The following BTBD9 variants were observed in gnomAD, a reference collection of about 807,000 sequenced individuals.
BTBD9 encodes BTB/POZ domain-containing protein 9.
Under a neutral mutation model 64.3 loss-of-function variants are expected in BTBD9, and 49 were observed. That is an observed-to-expected ratio of 0.76 (90% CI 0.61 to 0.97). BTBD9 has a LOEUF of 0.97. BTBD9 is among the 50% of genes least tolerant of loss of function. The pLI, the probability that BTBD9 is intolerant of heterozygous loss-of-function variation, is 0.00. For missense variants in BTBD9, 598 were observed against 762.1 expected, an observed-to-expected ratio of 0.78 and a Z score of 2.53; for synonymous variants, 260 against 274.7, an observed-to-expected ratio of 0.95 and a Z score of 0.53.
chr6:38,594,111 G>A lies in BTBD9; in HGVS notation c.402C>T (p.Cys134=). 5.0e-6 allele frequency: 8 copies of A among 1,614,176 alleles called. No individual in the cohort carries two copies. Among genetic ancestry groups the A allele is most frequent in the Non-Finnish European group, 6.8e-6 (8 of 1,180,026 alleles). ...ELEDSTSEYL[C]TILNIQNVCM... ...AGACATTCTGAATGTTAAGTATGGT[G>A]CAGAGATACTCAGAGGTAGAATCCT... is the stretch of plus-strand genomic sequence containing the variant. Residue 134 remains cysteine (C), a synonymous_variant, in exon 3 of 11, where the codon TGC becomes TGT. Coordinates refer to ENST00000481247, the MANE Select transcript of BTBD9 (RefSeq NM_001099272.2).
At chr6:38,302,485 G>GTATATATA (rs59324806) in intron 7 of BTBD9, among the ~76,000 whole-genome samples, 2,364 of 106,278 alleles carry the variant, frequency 0.022, 95 homozygotes, top group Middle Eastern at 0.027. Flanking sequence ...TTGTGTGTAT[G>GTATATATA]TATATATATA....
At chr6:38,413,174 CT>C (rs1483035392) in intron 6 of BTBD9, among the ~76,000 whole-genome samples, 1 of 152,084 alleles carries the variant, frequency 6.6e-6, no homozygotes, top group African/African-American at 2.4e-5. Flanking sequence ...TAACATCCCT[CT>C]TTTAAAAAGT....
chr6:38,255,961 C>G lies in BTBD9; in HGVS notation c.1562+448G>C, dbSNP rs553152083. ...AGAGGGATAGCATTAAGAGAAATAC[C>G]TAATGTAAATGATGAGCTGATGGGT... is the stretch of plus-strand genomic sequence containing the variant. On this transcript the variant is annotated intron_variant, in intron 9 of 10. Coordinates refer to ENST00000481247, the MANE Select transcript of BTBD9 (RefSeq NM_001099272.2). Among the ~76,000 whole-genome samples, 30 of 151,976 alleles carry G rather than the reference C, an allele frequency of 2.0e-4. 1 individual carries two copies. The highest frequency in any genetic ancestry group is 1.8e-3 in the Admixed American group (27 of 15,240).
At chr6:38,439,541 C>A (rs535375502) in intron 6 of BTBD9, among the ~76,000 whole-genome samples, 1 of 152,244 alleles carries the variant, frequency 6.6e-6, no homozygotes, top group South Asian at 2.1e-4. Context: ...ATTCTCCTGC[C>A]TCAGCCTCCC....
chr6:38,248,336 G>C (rs1764279578), intron 9 of BTBD9, among the ~76,000 whole-genome samples: 1 of 152,206 alleles, frequency 6.6e-6, no homozygotes, highest in Admixed American at 6.5e-5. Context: ...TAGGACTACA[G>C]AATTCTCAAG....
chr6:38,418,442 A>C (rs1224638715), intron 6 of BTBD9, among the ~76,000 whole-genome samples: 1 of 152,218 alleles, frequency 6.6e-6, no homozygotes, highest in African/African-American at 2.4e-5. Context: ...AAAAGGATGC[A>C]GAGAGAAGAG....
At chr6:38,245,979 A>G (rs1764181769) in intron 9 of BTBD9, among the ~76,000 whole-genome samples, 1 of 152,148 alleles carries the variant, frequency 6.6e-6, no homozygotes, top group Non-Finnish European at 1.5e-5. Context: ...TTAAGTAAGA[A>G]AGAAGGAAAT....
intron 6 of BTBD9, among the ~76,000 whole-genome samples, chr6:38,522,179 T>C (rs921659915): frequency 7.2e-5 from 11 of 152,182 alleles, no homozygotes; most frequent in African/African-American, 2.7e-4. Flanking sequence ...CCCTAATCTT[T>C]CAAATGCTTA....
chr6:38,385,794 C>CTT (rs34019950), intron 6 of BTBD9, among the ~76,000 whole-genome samples: 6,100 of 129,370 alleles, frequency 0.047, 680 homozygotes, highest in African/African-American at 0.16. Context: ...TAATATCATA[C>CTT]TTTTTTTTTT....
chr6:38,276,978 T>C (rs541820051), intron 8 of BTBD9, among the ~76,000 whole-genome samples: 1 of 152,330 alleles, frequency 6.6e-6, no homozygotes, highest in Non-Finnish European at 1.5e-5. Flanking sequence ...ATCAAATACA[T>C]CTGGTTAACA....
rs1582125912 is a variant in BTBD9, at chr6:38,258,542, T to A, written c.1455-2026A>T. Among the ~76,000 whole-genome samples the A allele has an allele frequency of 2.6e-5, 4 of 152,318 alleles. No homozygotes were observed. In the East Asian group the frequency reaches 7.7e-4, roughly 29 times the overall value. On this transcript the variant is annotated intron_variant, in intron 8 of 10. Transcript: ENST00000481247. ...TTTTCTATACCATTCACATAATGTCTCACATGGAGCTTAAACTCAGTCAGT... is the reference window on the plus strand; with the variant it reads ...TTTTCTATACCATTCACATAATGTCACACATGGAGCTTAAACTCAGTCAGT...
At chr6:38,517,040 T>A (rs1369050536) in intron 6 of BTBD9, among the ~76,000 whole-genome samples, 1 of 152,172 alleles carries the variant, frequency 6.6e-6, no homozygotes, top group African/African-American at 2.4e-5. Context: ...AAAGAGCCCA[T>A]CAATCCTGAT....
intron 6 of BTBD9, among the ~76,000 whole-genome samples, chr6:38,400,739 G>A (rs1287070471): frequency 1.3e-5 from 2 of 152,026 alleles, no homozygotes; most frequent in Non-Finnish European, 2.9e-5. Flanking sequence ...ACTTTTAAAC[G>A]TTTATTTGGC....
chr6:38,270,862 G>A (rs1461308159), intron 8 of BTBD9, among the ~76,000 whole-genome samples: 1 of 152,142 alleles, frequency 6.6e-6, no homozygotes, highest in Non-Finnish European at 1.5e-5. Flanking sequence ...AGTTTCAGAT[G>A]GGAGGCAGGA....
intron 6 of BTBD9, among the ~76,000 whole-genome samples, chr6:38,565,108 C>T (rs190759681): frequency 4.6e-5 from 7 of 152,128 alleles, no homozygotes; most frequent in Non-Finnish European, 1.0e-4. Flanking sequence ...CATATTCAAT[C>T]AATCATAAAG....
chr6:38,249,772 A>AC (rs1292394757), intron 9 of BTBD9, among the ~76,000 whole-genome samples: 1 of 151,766 alleles, frequency 6.6e-6, no homozygotes, highest in Admixed American at 6.6e-5. Flanking sequence ...AAAAAAAAAA[A>AC]AGTATATAAG....
At chr6:38,315,517 T>A (rs1303821253) in intron 7 of BTBD9, among the ~76,000 whole-genome samples, 1 of 152,180 alleles carries the variant, frequency 6.6e-6, no homozygotes, top group East Asian at 1.9e-4. Context: ...GTTTCCATTA[T>A]CATTTGTTTC....
At chr6:38,348,704 C>G (rs1764385273) in intron 6 of BTBD9, among the ~76,000 whole-genome samples, 1 of 152,066 alleles carries the variant, frequency 6.6e-6, no homozygotes, top group African/African-American at 2.4e-5. Flanking sequence ...TGTTTCAATA[C>G]AGAAATTTTC....
chr6:38,493,372 T>G (rs915124151), intron 6 of BTBD9, among the ~76,000 whole-genome samples: 9 of 152,206 alleles, frequency 5.9e-5, no homozygotes, highest in African/African-American at 9.6e-5. Context: ...TTCCTTATTA[T>G]TGATAGTGGA....
Sources: gnomAD v4.1 joint callset for allele counts (sites outside exome capture counted in the v4.1 genomes callset) on GRCh38, gnomAD v4.1.1 for gene constraint, MANE v1.5 for transcripts, NCBI Gene and HGNC (gene_info 2026-07-23, HGNC 2026-07-21) for gene names.